SCLY: variants seen among roughly 807,000 people sequenced by gnomAD.
SCLY encodes putative selenocysteine lyase.
SCLY carries 38 observed loss-of-function variants against 50.1 expected under a neutral mutation model. That is an observed-to-expected ratio of 0.76 (90% CI 0.59 to 0.99). The LOEUF is 0.99. Among genes scored for constraint, SCLY ranks in the 50% least tolerant of loss-of-function variants. SCLY has a pLI of 0.00. For missense variants in SCLY, 600 were observed against 620.0 expected, an observed-to-expected ratio of 0.97 and a Z score of 0.34; for synonymous variants, 243 against 249.4, an observed-to-expected ratio of 0.97 and a Z score of 0.24.
intron 7 of SCLY, among the ~76,000 whole-genome samples, chr2:238,086,023 A>G (rs1455772408): frequency 6.6e-6 from 1 of 152,234 alleles, no homozygotes; most frequent in East Asian, 1.9e-4. Flanking sequence ...GAAAGATGAC[A>G]CTTCACCAGT....
rs1459595134 is a variant in SCLY, at chr2:238,067,973, C to G, written c.203-92C>G. On this transcript the variant is annotated intron_variant, in intron 2 of 11. Coordinates refer to ENST00000254663, the MANE Select transcript of SCLY (RefSeq NM_016510.7). This position sits in a 1 kb window ranked among gnomAD's most constrained non-coding sequence, Gnocchi z 4.3. Reference sequence around the variant, plus strand: ...TTTGTCTTAGAACGGCCCACGCAGACCTCTTATTCCTTTGTATTTGGTTGT... The same window carrying G: ...TTTGTCTTAGAACGGCCCACGCAGAGCTCTTATTCCTTTGTATTTGGTTGT... The G allele has an allele frequency of 1.1e-6, 1 of 898,042 alleles. No individual in the cohort carries two copies. The allele number at this position is 898,042 out of a possible 1,614,324, so 55.6% of individuals were successfully genotyped here. A position where few individuals can be genotyped will look rare whatever the true frequency, so the allele number is the denominator to read the frequency against.
Position 238,066,519 on chromosome 2 carries a change from A to G in SCLY, c.203-1546A>G, listed in dbSNP as rs1436471642. ...GGGTTTTCGAGGCATTACTTTGTCC[A>G]CTATGTGGAGAATGGACCCTGGTGG... On this transcript the variant is annotated intron_variant, in intron 2 of 11. Transcript: ENST00000254663. This position sits in a 1 kb window ranked among gnomAD's most constrained non-coding sequence, Gnocchi z 4.1. Among the ~76,000 whole-genome samples, 2 of 152,180 alleles carry G rather than the reference A, an allele frequency of 1.3e-5. No individual in the cohort carries two copies. Among genetic ancestry groups the G allele is most frequent in the Non-Finnish European group, 2.9e-5 (2 of 68,034 alleles).
At chr2:238,091,545 TTC>T in intron 8 of SCLY, 11 of 344,200 alleles carry the variant, frequency 3.2e-5, no homozygotes, top group South Asian at 7.8e-5. Flanking sequence ...AAGCTGCAGG[TTC>T]ACCATTCCCA....
intron 8 of SCLY, chr2:238,091,518 A>AATGATACG: frequency 2.2e-6 from 1 of 464,652 alleles, no homozygotes; most frequent in South Asian, 2.4e-5. Flanking sequence ...ATACTGTTAC[A>AATGATACG]GCAGAGGTGA....
chr2:238,096,868 CG>C lies in SCLY; in HGVS notation c.1180del (p.Asp394ThrfsTer8). The C allele has an allele frequency of 6.2e-7, 1 of 1,610,214 alleles. No individual in the cohort carries two copies. Among genetic ancestry groups the C allele is most frequent in the Non-Finnish European group, 8.5e-7 (1 of 1,178,422 alleles). On this transcript the variant is annotated frameshift_variant, in exon 11 of 12. Transcript: ENST00000254663. LOFTEE classifies it high-confidence loss of function. ...SVGAACHSDH[G>X]DQPSPVLLSY... The stretch of plus-strand genomic sequence containing the variant: ...TGGGGGCCGCGTGCCACTCGGACCA[CG>C]GGGACCAGTAAGTGCTCTTCACAAA...
chr2:238,073,955 A>G (rs563040933), intron 4 of SCLY: 12 of 293,582 alleles, frequency 4.1e-5, no homozygotes, highest in African/African-American at 2.5e-4. Flanking sequence ...GTGTTAATCA[A>G]CTGCTTACGT....
chr2:238,087,622 A>T (rs1382828049), intron 7 of SCLY, among the ~76,000 whole-genome samples: 2 of 152,248 alleles, frequency 1.3e-5, no homozygotes, highest in Non-Finnish European at 2.9e-5. Flanking sequence ...TCTTCCAGAA[A>T]ATAAAGAGGA....
chr2:238,088,389 G>A (rs947148434), intron 7 of SCLY, among the ~76,000 whole-genome samples: 2 of 152,136 alleles, frequency 1.3e-5, no homozygotes, highest in Non-Finnish European at 2.9e-5. Context: ...TTGAACCTGG[G>A]TAACAGAGTT....
At chr2:238,093,743 CTG>C (rs1437505831) in intron 8 of SCLY, 116 bp from the exon 9 acceptor site, 1 of 952,548 alleles carries the variant, frequency 1.0e-6, no homozygotes, top group Non-Finnish European at 1.6e-6. Context: ...TATGGTCTGT[CTG>C]TGACTGTCAG....
rs2065261996 is a variant in SCLY, at chr2:238,083,844, T to C, written c.884+490T>C. Among the ~76,000 whole-genome samples, 1 of 152,208 alleles carries C rather than the reference T, an allele frequency of 6.6e-6. No individual in the cohort carries two copies. Among genetic ancestry groups the C allele is most frequent in the Non-Finnish European group, 1.5e-5 (1 of 68,038 alleles). ...ACAAGAGAGAGAAACAGGAACAGCATGGTGGTGAGTTCCTGGGTTTTCTTT... is the reference window on the plus strand; with the variant it reads ...ACAAGAGAGAGAAACAGGAACAGCACGGTGGTGAGTTCCTGGGTTTTCTTT... On this transcript the variant is annotated intron_variant, in intron 7 of 11. Coordinates refer to ENST00000254663, the MANE Select transcript of SCLY (RefSeq NM_016510.7). This position sits in a 1 kb window ranked among gnomAD's most constrained non-coding sequence, Gnocchi z 4.3.
intron 8 of SCLY, chr2:238,091,528 AAGTGTCAAGC>A: frequency 9.0e-5 from 42 of 466,568 alleles, no homozygotes; most frequent in South Asian, 1.8e-4. Context: ...AGCAGAGGTG[AAGTGTCAAGC>A]TGCAGGTTCA....
chr2:238,093,891 G>A lies in SCLY; in HGVS notation c.952G>A (p.Ala318Thr). 1 of 1,614,070 alleles carries A rather than the reference G, an allele frequency of 6.2e-7. No individual in the cohort carries two copies. Among genetic ancestry groups the A allele is most frequent in the Non-Finnish European group, 8.5e-7 (1 of 1,180,022 alleles). Residue 318 changes from alanine to threonine, a missense_variant, in exon 9 of 12, where the codon GCT becomes ACT. Coordinates refer to ENST00000254663, the MANE Select transcript of SCLY (RefSeq NM_016510.7). ...GGAGCTGGTGACCCAGAACTGCGAG[G>A]CTTATGAGGCCCACATGAGGGACGT... ...AAELVTQNCEAYEAHMRDVRD... is the reference protein window; with the variant it reads ...AAELVTQNCETYEAHMRDVRD...
Position 238,081,778 on chromosome 2 carries a change from G to C in SCLY, c.554G>C (p.Arg185Pro). The change falls in exon 5 of 12, where the codon CGC becomes CCC. Residue 185 changes from arginine to proline, a missense_variant. By Grantham distance (103) the Arg-to-Pro change is moderately radical (BLOSUM62 -2). Transcript: ENST00000254663. ...GTGGACGACATCCTCGCGGCAGTCC[G>C]CCCGACCACACGCCTCGTGACCATC... ...AEVDDILAAVRPTTRLVTIML... is the reference protein window; with the variant it reads ...AEVDDILAAVPPTTRLVTIML... 6.2e-7 allele frequency: 1 copy of C among 1,614,176 alleles called. No homozygotes were observed. Among genetic ancestry groups the C allele is most frequent in the Non-Finnish European group, 8.5e-7 (1 of 1,180,046 alleles).
At chr2:238,096,633 G>A (rs1409025025) in intron 10 of SCLY, among the ~76,000 whole-genome samples, 168 bp from the exon 11 acceptor site, 2 of 152,204 alleles carry the variant, frequency 1.3e-5, no homozygotes, top group African/African-American at 2.4e-5. Flanking sequence ...CGTTTTCTTC[G>A]GCTCCTGCTG....
chr2:238,096,494 G>A (rs78736848), intron 10 of SCLY, among the ~76,000 whole-genome samples: 1 of 152,370 alleles, frequency 6.6e-6, no homozygotes, highest in African/African-American at 2.4e-5. Flanking sequence ...GGGGCTGCCA[G>A]CTTGTAAGGA....
At chr2:238,064,644 G>A (rs2065051939) in intron 2 of SCLY, 175 bp downstream of exon 2, 1 of 485,814 alleles carries the variant, frequency 2.1e-6, no homozygotes, top group Non-Finnish European at 3.7e-6. Context: ...TTTGTAAGCT[G>A]AGCCTTGTCG....
intron 2 of SCLY, 31 bp from the exon 3 acceptor site, chr2:238,068,034 T>C: frequency 1.3e-6 from 2 of 1,509,250 alleles, no homozygotes; most frequent in Non-Finnish European, 1.8e-6. Flanking sequence ...GGTGAAGCAA[T>C]GTTAATGAAT....
intron 8 of SCLY, chr2:238,093,601 C>A: frequency 6.1e-6 from 3 of 490,190 alleles, no homozygotes; most frequent in Non-Finnish European, 1.1e-5. Flanking sequence ...CTCTGGGATG[C>A]TGGCTCCTCG....
intron 5 of SCLY, 57 bp downstream of exon 5, chr2:238,081,893 G>T: frequency 6.3e-7 from 1 of 1,592,530 alleles, no homozygotes; most frequent in South Asian, 1.1e-5. Context: ...CAGCAGCTTA[G>T]ACTCATGGCG....
Sources: allele counts gnomAD v4.1 joint callset (sites outside exome capture counted in the v4.1 genomes callset), GRCh38; gene constraint gnomAD v4.1.1; non-coding constraint Gnocchi (gnomAD v3.1); transcripts MANE v1.5; gene names NCBI Gene and HGNC (gene_info 2026-07-23, HGNC 2026-07-21).